ADGRB1: variants seen among roughly 807,000 people sequenced by gnomAD.
ADGRB1 encodes the protein brain-specific angiogenesis inhibitor 1.
A neutral mutation model predicts 175.7 loss-of-function variants in ADGRB1; 36 were observed. The ratio of observed to expected loss-of-function variants is 0.20; its 90% CI spans 0.16 to 0.27. The LOEUF (loss-of-function observed/expected upper bound fraction) is 0.27, where lower values mean the gene tolerates loss of function less well. Ranked by LOEUF, ADGRB1 falls within the 10% of genes least tolerant of loss-of-function variation. ADGRB1 has a pLI of 1.00. For missense variants in ADGRB1, 1,731 were observed against 2,255.3 expected, an observed-to-expected ratio of 0.77 and a Z score of 4.71; for synonymous variants, 1,054 against 979.4, an observed-to-expected ratio of 1.08 and a Z score of -1.42.
intron 17 of ADGRB1, among the ~76,000 whole-genome samples, chr8:142,500,399 GCCCCCTACACCGCTCCTCCACCA>G (rs1191992868): frequency 2.5e-5 from 2 of 80,790 alleles, no homozygotes; most frequent in Non-Finnish European, 2.2e-5. Context: ...CTCCTCCCCC[GCCCCCTACACCGCTCCTCCACCA>G]CCCCCCCATG....
chr8:142,490,759 C>T lies in ADGRB1; in HGVS notation c.2632-13C>T, dbSNP rs571663565. On this transcript the variant is annotated splice_polypyrimidine_tract_variant and intron_variant, in intron 16 of 30. Coordinates refer to ENST00000517894, the MANE Select transcript of ADGRB1 (RefSeq NM_001702.3). ...GCTGCCAGGGGCCCTGACTCCTCTC[C>T]CCTCTCTCCCAGGGCACCACCAACC... 1 of 1,572,146 alleles carries T rather than the reference C, an allele frequency of 6.4e-7. No homozygotes were observed. Among genetic ancestry groups the T allele is most frequent in the Non-Finnish European group, 8.6e-7 (1 of 1,158,798 alleles).
Position 142,493,211 on chromosome 8 carries a change from G to C in ADGRB1, c.2675+2396G>C, listed in dbSNP as rs1842061896. 6.6e-6 allele frequency among the ~76,000 whole-genome samples: 1 copy of C among 152,048 alleles called. No individual in the cohort carries two copies. The highest frequency in any genetic ancestry group is 1.5e-5 in the Non-Finnish European group (1 of 67,990). Reference sequence around the variant, plus strand: ...CAGGGCAGCAGGCTGTGAGGGGCCTGTCCAGTGAGCCGGGACAAGGACACT... The same window carrying C: ...CAGGGCAGCAGGCTGTGAGGGGCCTCTCCAGTGAGCCGGGACAAGGACACT... On this transcript the variant is annotated intron_variant, in intron 17 of 30. Transcript: ENST00000517894. The surrounding 1 kb of genome is among the most constrained non-coding windows in gnomAD (Gnocchi z 5.0).
chr8:142,511,556 C>T lies in ADGRB1; in HGVS notation c.2817+483C>T, dbSNP rs1045147389. On this transcript the variant is annotated intron_variant, in intron 18 of 30. Transcript: ENST00000517894. The surrounding 1 kb of genome is among the most constrained non-coding windows in gnomAD (Gnocchi z 4.5). ...GCCTGGTCCGTGGAGGAGGAGGTGG[C>T]GGTGGCCCCAGGCAGGGGCCCTGGC... Among the ~76,000 whole-genome samples, 4 of 152,156 alleles carry T rather than the reference C, an allele frequency of 2.6e-5. No individual in the cohort carries two copies. Among genetic ancestry groups the T allele is most frequent in the Non-Finnish European group, 5.9e-5 (4 of 68,006 alleles).
Position 142,475,512 on chromosome 8 carries a change from C to A in ADGRB1, c.823C>A (p.Arg275=). The change falls in exon 3 of 31, where the codon CGG becomes AGG. Residue 275 remains arginine (R), a synonymous_variant. Coordinates refer to ENST00000517894, the MANE Select transcript of ADGRB1 (RefSeq NM_001702.3). ...GTGGTCCCTGTGGGGCGAATGCACGCGGGACTGCGGGGGAGGCCTCCAGAC... is the reference window on the plus strand; with the variant it reads ...GTGGTCCCTGTGGGGCGAATGCACGAGGGACTGCGGGGGAGGCCTCCAGAC... ...KLWSLWGECT[R]DCGGGLQTRT... 1 of 1,294,692 alleles carries A rather than the reference C, an allele frequency of 7.7e-7. No individual in the cohort carries two copies. Among genetic ancestry groups the A allele is most frequent in the Non-Finnish European group, 9.8e-7 (1 of 1,020,224 alleles). 80.2% of individuals were successfully genotyped at this position (1,294,692 alleles called of 1,614,324 possible).
intron 2 of ADGRB1, 36 bp downstream of exon 2, chr8:142,465,018 G>T (rs1291233619): frequency 6.6e-6 from 8 of 1,217,702 alleles, no homozygotes; most frequent in African/African-American, 3.8e-5. Context: ...GGACAGGGGA[G>T]GTGGGCAGAC....
intron 18 of ADGRB1, among the ~76,000 whole-genome samples, chr8:142,516,682 G>A (rs1843466865): frequency 7.5e-6 from 1 of 133,726 alleles, no homozygotes; most frequent in Non-Finnish European, 1.6e-5. Context: ...GTGCATGCCT[G>A]TGTGCGGGCC....
chr8:142,499,258 A>AT (rs1374916055), intron 17 of ADGRB1, among the ~76,000 whole-genome samples: 1 of 152,100 alleles, frequency 6.6e-6, no homozygotes, highest in Non-Finnish European at 1.5e-5. Context: ...CAGGGTGGTT[A>AT]TGGGTGACTT....
At chr8:142,465,713 G>A (rs990708145) in intron 2 of ADGRB1, among the ~76,000 whole-genome samples, 2 of 152,232 alleles carry the variant, frequency 1.3e-5, no homozygotes, top group Non-Finnish European at 2.9e-5. Context: ...ACCGGGCAGG[G>A]CTGGCCCCTC....
At chr8:142,529,042 G>C (rs143667760) in intron 24 of ADGRB1, among the ~76,000 whole-genome samples, 1 of 152,238 alleles carries the variant, frequency 6.6e-6, no homozygotes, top group Non-Finnish European at 1.5e-5. Flanking sequence ...CTGCTGGCAC[G>C]GAGCCCAGGA....
At chr8:142,534,046 C>T (rs755442439) in intron 25 of ADGRB1, among the ~76,000 whole-genome samples, 1 of 152,176 alleles carries the variant, frequency 6.6e-6, no homozygotes, top group Admixed American at 6.5e-5. Context: ...CTTCCTGGGT[C>T]CCCCTGGAGA....
chr8:142,482,842 C>T (rs1841435069), intron 11 of ADGRB1, among the ~76,000 whole-genome samples: 1 of 151,386 alleles, frequency 6.6e-6, no homozygotes, highest in South Asian at 2.1e-4. Context: ...AGCCCTAATC[C>T]TGGTCACGCA....
Position 142,449,688 on chromosome 8 carries a change from G to T in ADGRB1, c.-636G>T, listed in dbSNP as rs1362346085. The T allele has an allele frequency of 6.7e-6, 1 of 149,436 alleles. No individual in the cohort carries two copies. Among genetic ancestry groups the T allele is most frequent in the Non-Finnish European group, 1.5e-5 (1 of 66,928 alleles). The allele number at this position is 149,436 out of a possible 1,614,324, so 9.3% of individuals were successfully genotyped here. The stretch of plus-strand genomic sequence containing the variant: ...AGGCGAGAGGAGCGGAGCGGCGGCG[G>T]CGGCCGGAGAGGGAGCGGCGGGCGC... On this transcript the variant is annotated 5_prime_UTR_variant, in exon 1 of 31. Coordinates refer to ENST00000517894, the MANE Select transcript of ADGRB1 (RefSeq NM_001702.3).
At chr8:142,467,946 C>T (rs772309287) in intron 2 of ADGRB1, among the ~76,000 whole-genome samples, 1 of 152,164 alleles carries the variant, frequency 6.6e-6, no homozygotes, top group Non-Finnish European at 1.5e-5. Flanking sequence ...GCTCAGGGAG[C>T]AGAGACAGAC....
intron 17 of ADGRB1, among the ~76,000 whole-genome samples, chr8:142,501,060 C>G (rs1587355940): frequency 6.6e-6 from 1 of 152,152 alleles, no homozygotes; most frequent in African/African-American, 2.4e-5. Context: ...TGTTACCAGG[C>G]TAGTGTCAGT....
Position 142,489,337 on chromosome 8 carries a change from A to G in ADGRB1, c.2530A>G (p.Asn844Asp). Residue 844 changes from asparagine to aspartate, a missense_variant and splice_region_variant, in exon 16 of 31, where the codon AAC becomes GAC. This residue lies in a region of ADGRB1 where 388 missense variants were observed against 630.9 expected (regional missense o/e 0.61). Coordinates refer to ENST00000517894, the MANE Select transcript of ADGRB1 (RefSeq NM_001702.3). ...NLGSFLALQR[N>D]TTVLNSKVIS... ...CACCTGTGCCTCTGGCTCTTGCAGG[A>G]ACACGACCGTCCTGAATTCTAAGGT... 1 of 1,612,802 alleles carries G rather than the reference A, an allele frequency of 6.2e-7. No individual in the cohort carries two copies. Among genetic ancestry groups the G allele is most frequent in the South Asian group, 1.1e-5 (1 of 91,080 alleles).
chr8:142,480,187 G>A (rs1168209755), intron 9 of ADGRB1, among the ~76,000 whole-genome samples: 1 of 152,234 alleles, frequency 6.6e-6, no homozygotes, highest in African/African-American at 2.4e-5. Flanking sequence ...GCTCCACGGG[G>A]AAGGGCTCGC....
At position 142,493,924 on chromosome 8, in the gene ADGRB1, G is replaced by A. The variant is rs1180647554; in HGVS notation, c.2675+3109G>A. ...TGTCTCCGGGGAGCTGAGTTTCCCAGTTGACCTGAAGTGGAGACCACGGGC... is the reference window on the plus strand; with the variant it reads ...TGTCTCCGGGGAGCTGAGTTTCCCAATTGACCTGAAGTGGAGACCACGGGC... On this transcript the variant is annotated intron_variant, in intron 17 of 30. Coordinates refer to ENST00000517894, the MANE Select transcript of ADGRB1 (RefSeq NM_001702.3). This position sits in a 1 kb window ranked among gnomAD's most constrained non-coding sequence, Gnocchi z 5.0. Among the ~76,000 whole-genome samples, 1 of 152,202 alleles carries A rather than the reference G, an allele frequency of 6.6e-6. No individual in the cohort carries two copies. Among genetic ancestry groups the A allele is most frequent in the African/African-American group, 2.4e-5 (1 of 41,438 alleles).
In ADGRB1 at chr8:142,484,051, G is replaced by A; in HGVS notation, c.2199+6G>A. On this transcript the variant is annotated splice_donor_region_variant and intron_variant, in intron 12 of 30. Coordinates refer to ENST00000517894, the MANE Select transcript of ADGRB1 (RefSeq NM_001702.3). ...AGTGGGAGGAGGCCCAGCTGGTAGG[G>A]CCTGGGGCCCCTACGGTCAGCAGCC... 6.2e-7 allele frequency: 1 copy of A among 1,609,196 alleles called. No homozygotes were observed. The highest frequency in any genetic ancestry group is 1.1e-5 in the South Asian group (1 of 90,422).
intron 25 of ADGRB1, among the ~76,000 whole-genome samples, chr8:142,536,762 C>T (rs1021738244): frequency 1.3e-5 from 2 of 152,074 alleles, no homozygotes; most frequent in Non-Finnish European, 2.9e-5. Flanking sequence ...GAATCTCAGA[C>T]AGGAGAGGGG....
Sources: gnomAD v4.1 joint callset for allele counts (sites outside exome capture counted in the v4.1 genomes callset) on GRCh38, gnomAD v4.1.1 for gene constraint, gnomAD v4.1.1 regional missense constraint, Gnocchi (gnomAD v3.1) non-coding constraint, MANE v1.5 for transcripts, NCBI Gene and HGNC (gene_info 2026-07-23, HGNC 2026-07-21) for gene names.